DERA: variants seen among roughly 807,000 people sequenced by gnomAD.
DERA encodes 2-deoxy-D-ribose 5-phosphate aldolase.
Under a neutral mutation model 41.1 loss-of-function variants are expected in DERA, and 15 were observed. The ratio of observed to expected loss-of-function variants is 0.37; its 90% CI spans 0.24 to 0.56. The LOEUF is 0.56. DERA is among the 20% of genes least tolerant of loss of function. The pLI is 0.81. For synonymous variants in DERA, 139 were observed against 137.4 expected (o/e 1.01, Z -0.08); for missense variants, 396 against 403.4 (o/e 0.98, Z 0.16).
rs1948889599 is a variant in DERA, at chr12:16,003,487, A to G, written c.637+21051A>G. On this transcript the variant is annotated intron_variant, in intron 6 of 8. Coordinates refer to ENST00000428559, the MANE Select transcript of DERA (RefSeq NM_015954.4). The surrounding 1 kb of genome is among the most constrained non-coding windows in gnomAD (Gnocchi z 4.8). ...AGTTCAGAGAGAATCTTTTTGGCTCATTTTGCTTGTGTGCCTAAGGGCTGA... is the reference window on the plus strand; with the variant it reads ...AGTTCAGAGAGAATCTTTTTGGCTCGTTTTGCTTGTGTGCCTAAGGGCTGA... 6.6e-6 allele frequency among the ~76,000 whole-genome samples: 1 copy of G among 152,184 alleles called. No homozygotes were observed. The highest frequency in any genetic ancestry group is 2.1e-4 in the South Asian group (1 of 4,818).
At chr12:16,007,175 GTTTTTTTT>G (rs760931310) in intron 6 of DERA, among the ~76,000 whole-genome samples, 2 of 129,204 alleles carry the variant, frequency 1.5e-5, no homozygotes, top group African/African-American at 5.7e-5. Context: ...GGGTTTTTTT[GTTTTTTTT>G]TTTTTGTTTT....
rs900296833 is a variant in DERA at position 15,988,408 on chromosome 12, C to T, written c.637+5972C>T. ...GTCAGGAGACCCAAAGCAAGTAGCTCCTTTCTGCAGGCAGGTCATCCCAAC... is the reference window on the plus strand; with the variant it reads ...GTCAGGAGACCCAAAGCAAGTAGCTTCTTTCTGCAGGCAGGTCATCCCAAC... On this transcript the variant is annotated intron_variant, in intron 6 of 8. Transcript: ENST00000428559. This position sits in a 1 kb window ranked among gnomAD's most constrained non-coding sequence, Gnocchi z 6.0. Among the ~76,000 whole-genome samples, 1 of 152,176 alleles carries T rather than the reference C, an allele frequency of 6.6e-6. No individual in the cohort carries two copies. The highest frequency in any genetic ancestry group is 6.5e-5 in the Admixed American group (1 of 15,280).
rs536952522 is a variant in DERA, at chr12:15,998,403, C to T, written c.637+15967C>T. Among the ~76,000 whole-genome samples, 4 of 152,220 alleles carry T rather than the reference C, an allele frequency of 2.6e-5. No individual in the cohort carries two copies. Among genetic ancestry groups the T allele is most frequent in the African/African-American group, 7.2e-5 (3 of 41,520 alleles). Reference sequence around the variant, plus strand: ...CCGGATCTTGGCTCACGGCAACCTCCGCCTTCCGGGTTCAAGCAGTTCTCC... The same window carrying T: ...CCGGATCTTGGCTCACGGCAACCTCTGCCTTCCGGGTTCAAGCAGTTCTCC... On this transcript the variant is annotated intron_variant, in intron 6 of 8. Coordinates refer to ENST00000428559, the MANE Select transcript of DERA (RefSeq NM_015954.4). The surrounding 1 kb of genome is among the most constrained non-coding windows in gnomAD (Gnocchi z 4.8).
chr12:15,946,044 A>G (rs1948445605), intron 1 of DERA, among the ~76,000 whole-genome samples: 1 of 152,164 alleles, frequency 6.6e-6, no homozygotes, highest in Non-Finnish European at 1.5e-5. Context: ...TGATTTGTGT[A>G]CGTTGAACCA....
Position 16,004,800 on chromosome 12 carries a change from C to G in DERA, c.637+22364C>G, listed in dbSNP as rs1948898911. On this transcript the variant is annotated intron_variant, in intron 6 of 8. Transcript: ENST00000428559. This position sits in a 1 kb window ranked among gnomAD's most constrained non-coding sequence, Gnocchi z 4.2. ...AATCCTACTAAAAACTAGGAGATAC[C>G]TTGGGAGTTTCCAAAATCAAGGTTA... is the stretch of plus-strand genomic sequence containing the variant. 6.6e-6 allele frequency among the ~76,000 whole-genome samples: 1 copy of G among 151,978 alleles called. No homozygotes were observed. The highest frequency in any genetic ancestry group is 2.4e-5 in the African/African-American group (1 of 41,366).
In DERA at chr12:15,989,528, C is replaced by T. The variant is rs1016183643; in HGVS notation, c.637+7092C>T. The stretch of plus-strand genomic sequence containing the variant: ...AAGCCTTATGTGCTAATTTGTACAG[C>T]TGGGTTATTTCAAGGGTCTGTATTT... On this transcript the variant is annotated intron_variant, in intron 6 of 8. Coordinates refer to ENST00000428559, the MANE Select transcript of DERA (RefSeq NM_015954.4). The surrounding 1 kb of genome is among the most constrained non-coding windows in gnomAD (Gnocchi z 5.2). Among the ~76,000 whole-genome samples, 2 of 152,078 alleles carry T rather than the reference C, an allele frequency of 1.3e-5. No individual in the cohort carries two copies. Among genetic ancestry groups the T allele is most frequent in the African/African-American group, 4.8e-5 (2 of 41,408 alleles).
chr12:16,015,849 A>G (rs909543193), intron 6 of DERA, among the ~76,000 whole-genome samples: 1 of 152,222 alleles, frequency 6.6e-6, no homozygotes, highest in Admixed American at 6.5e-5. Context: ...TTGTCAGCTA[A>G]TGATACTTTT....
Position 15,915,624 on chromosome 12 carries a change from G to A in DERA, c.31+4210G>A, listed in dbSNP as rs1464484301. ...ATGGCATCTTAAACCTCAACAATAG[G>A]CAAAGGCTATCTGTTTGCATAATAA... On this transcript the variant is annotated intron_variant, in intron 1 of 8. Coordinates refer to ENST00000428559, the MANE Select transcript of DERA (RefSeq NM_015954.4). This position sits in a 1 kb window ranked among gnomAD's most constrained non-coding sequence, Gnocchi z 4.8. Among the ~76,000 whole-genome samples, 1 of 152,098 alleles carries A rather than the reference G, an allele frequency of 6.6e-6. No individual in the cohort carries two copies. The highest frequency in any genetic ancestry group is 1.5e-5 in the Non-Finnish European group (1 of 68,024).
Position 15,915,750 on chromosome 12 carries a change from A to G in DERA, c.31+4336A>G, listed in dbSNP as rs572458266. On this transcript the variant is annotated intron_variant, in intron 1 of 8. Coordinates refer to ENST00000428559, the MANE Select transcript of DERA (RefSeq NM_015954.4). This position sits in a 1 kb window ranked among gnomAD's most constrained non-coding sequence, Gnocchi z 4.8. The stretch of plus-strand genomic sequence containing the variant: ...GAGCTCTAGCTACTTGTAAGGCACT[A>G]TGCTGAATGCTTGAAATTCTCATTT... Among the ~76,000 whole-genome samples the G allele has an allele frequency of 6.6e-6, 1 of 152,356 alleles. No homozygotes were observed. The highest frequency in any genetic ancestry group is 2.1e-4 in the South Asian group (1 of 4,828).
chr12:15,997,330 G>T (rs1032300885), intron 6 of DERA, among the ~76,000 whole-genome samples: 11 of 151,966 alleles, frequency 7.2e-5, no homozygotes, highest in Non-Finnish European at 7.4e-5. Flanking sequence ...AAAAATATTT[G>T]CAGGCTTCTA....
chr12:15,974,646 G>T (rs1170074786), intron 5 of DERA, among the ~76,000 whole-genome samples: 1 of 152,112 alleles, frequency 6.6e-6, no homozygotes, highest in Non-Finnish European at 1.5e-5. Flanking sequence ...TAAGTATTTT[G>T]CATTTTAATA....
intron 6 of DERA, among the ~76,000 whole-genome samples, chr12:16,002,070 G>T (rs1592044688): frequency 6.6e-6 from 1 of 151,878 alleles, no homozygotes; most frequent in African/African-American, 2.4e-5. Flanking sequence ...TGCCATGTTG[G>T]TGTGCTGCAC....
At chr12:15,930,508 C>G (rs1948319463) in intron 1 of DERA, among the ~76,000 whole-genome samples, 1 of 152,212 alleles carries the variant, frequency 6.6e-6, no homozygotes, top group South Asian at 2.1e-4. Flanking sequence ...TGATAAGTCT[C>G]ATTGGTACCA....
chr12:16,036,804 C>A lies in DERA; in HGVS notation c.*58C>A. 3.2e-6 allele frequency: 4 copies of A among 1,264,598 alleles called. No individual in the cohort carries two copies. The highest frequency in any genetic ancestry group is 1.9e-4 in the Middle Eastern group (1 of 5,314). 78.3% of individuals were successfully genotyped at this position (1,264,598 alleles called of 1,614,324 possible). Reference sequence around the variant, plus strand: ...ACAATGTTTAAAAATTATTTTTCTACGTAATTGCTAAAATTATTTAATTAA... The same window carrying A: ...ACAATGTTTAAAAATTATTTTTCTAAGTAATTGCTAAAATTATTTAATTAA... On this transcript the variant is annotated 3_prime_UTR_variant, in exon 9 of 9. Coordinates refer to ENST00000428559, the MANE Select transcript of DERA (RefSeq NM_015954.4). This position sits in a 1 kb window ranked among gnomAD's most constrained non-coding sequence, Gnocchi z 4.9.
intron 7 of DERA, among the ~76,000 whole-genome samples, chr12:16,033,467 C>T (rs909120124): frequency 6.6e-6 from 1 of 151,908 alleles, no homozygotes; most frequent in Non-Finnish European, 1.5e-5. Flanking sequence ...AGGAAAAATG[C>T]GTATGAGTTG....
rs111392403 is a variant in DERA at position 15,994,499 on chromosome 12, G to A, written c.637+12063G>A. On this transcript the variant is annotated intron_variant, in intron 6 of 8. Coordinates refer to ENST00000428559, the MANE Select transcript of DERA (RefSeq NM_015954.4). This position sits in a 1 kb window ranked among gnomAD's most constrained non-coding sequence, Gnocchi z 4.8. ...GACGGAGTCTCGTTCTGTCGCCCAG[G>A]CTGGAGTGCAGTGGCGCGATCTCTG... Among the ~76,000 whole-genome samples the A allele has an allele frequency of 0.065, 9,834 of 152,258 alleles. 1,016 individuals are homozygous for A. The highest frequency in any genetic ancestry group is 0.22 in the African/African-American group (9,058 of 41,506).
At position 15,995,656 on chromosome 12, in the gene DERA, A is replaced by G. The variant is rs917297192; in HGVS notation, c.637+13220A>G. ...CTGAAGGCAGTCTGAAAATGAAGGA[A>G]TAGAGTAGGGAGGATGGAGGGGTAT... On this transcript the variant is annotated intron_variant, in intron 6 of 8. Coordinates refer to ENST00000428559, the MANE Select transcript of DERA (RefSeq NM_015954.4). This position sits in a 1 kb window ranked among gnomAD's most constrained non-coding sequence, Gnocchi z 5.1. Among the ~76,000 whole-genome samples the G allele has an allele frequency of 2.0e-5, 3 of 152,140 alleles. No homozygotes were observed. The highest frequency in any genetic ancestry group is 7.2e-5 in the African/African-American group (3 of 41,438).
rs6488810 is a variant in DERA at position 16,003,670 on chromosome 12, T to C, written c.637+21234T>C. On this transcript the variant is annotated intron_variant, in intron 6 of 8. Transcript: ENST00000428559. This position sits in a 1 kb window ranked among gnomAD's most constrained non-coding sequence, Gnocchi z 4.8. Reference sequence around the variant, plus strand: ...TGTAAGAAAAACAGGTGAGTTTGCATTTGTTGGGGGAGCGCCAGGAAACAA... The same window carrying C: ...TGTAAGAAAAACAGGTGAGTTTGCACTTGTTGGGGGAGCGCCAGGAAACAA... 0.72 allele frequency among the ~76,000 whole-genome samples: 109,270 copies of C among 151,898 alleles called. 39,839 individuals carry two copies. Among genetic ancestry groups the C allele is most frequent in the African/African-American group, 0.76 (31,378 of 41,454 alleles).
In DERA at chr12:16,010,590, G is replaced by T. The variant is rs1292771710; in HGVS notation, c.638-21952G>T. Among the ~76,000 whole-genome samples the T allele has an allele frequency of 6.6e-6, 1 of 151,978 alleles. No homozygotes were observed. Among genetic ancestry groups the T allele is most frequent in the Non-Finnish European group, 1.5e-5 (1 of 68,018 alleles). ...AAGGCGTGACTAGTTGAAAAATAGA[G>T]ACAGAATTTTAATGTGAAAATTGTT... On this transcript the variant is annotated intron_variant, in intron 6 of 8. Transcript: ENST00000428559. The surrounding 1 kb of genome is among the most constrained non-coding windows in gnomAD (Gnocchi z 5.5).
Sources: gnomAD v4.1 joint callset for allele counts (sites outside exome capture counted in the v4.1 genomes callset) on GRCh38, gnomAD v4.1.1 for gene constraint, Gnocchi (gnomAD v3.1) non-coding constraint, MANE v1.5 for transcripts, NCBI Gene and HGNC (gene_info 2026-07-23, HGNC 2026-07-21) for gene names.